Variants in ANKFN1 observed in about 807,000 individuals in gnomAD.
The protein encoded by ANKFN1 is ankyrin repeat and fibronectin type III domain containing 1.
A neutral mutation model predicts 108.7 loss-of-function variants in ANKFN1; 74 were observed. The ratio of observed to expected loss-of-function variants is 0.68; its 90% CI spans 0.56 to 0.83. The LOEUF (loss-of-function observed/expected upper bound fraction) is 0.83, where lower values mean the gene tolerates loss of function less well. Ranked by LOEUF, ANKFN1 falls within the 40% of genes least tolerant of loss-of-function variation. The probability of loss-of-function intolerance (pLI) is 0.00; values close to 1 mark genes in which losing one functional copy is unlikely to be tolerated. For synonymous variants in ANKFN1, 547 were observed against 516.2 expected (o/e 1.06, Z -0.81); for missense variants, 1,505 against 1,382.3 (o/e 1.09, Z -1.41).
intron 14 of ANKFN1, among the ~76,000 whole-genome samples, chr17:56,460,688 A>G (rs748017005): frequency 6.6e-6 from 1 of 150,984 alleles, no homozygotes; most frequent in Non-Finnish European, 1.5e-5. Flanking sequence ...AAAGTCTCAC[A>G]TTTCCTACCA....
chr17:56,299,640 A>G (rs2044616588), intron 3 of ANKFN1, among the ~76,000 whole-genome samples: 1 of 152,164 alleles, frequency 6.6e-6, no homozygotes, highest in Non-Finnish European at 1.5e-5. Context: ...CAATCTTAGG[A>G]AAACTATCAA....
intron 3 of ANKFN1, among the ~76,000 whole-genome samples, chr17:56,256,793 C>T (rs2043370146): frequency 6.6e-6 from 1 of 152,148 alleles, no homozygotes; most frequent in African/African-American, 2.4e-5. Flanking sequence ...TAAGGCCATA[C>T]ATCTAGAAAG....
In ANKFN1 at chr17:56,457,964, A is replaced by G. The variant is rs2049770387; in HGVS notation, c.1542A>G (p.Ala514=). The G allele has an allele frequency of 6.2e-7, 1 of 1,614,006 alleles. No individual in the cohort carries two copies. Among genetic ancestry groups the G allele is most frequent in the Non-Finnish European group, 8.5e-7 (1 of 1,179,902 alleles). ...AAACTCGGCAGAAGATGCTCGCAGC[A>G]ACAGCACAGCTACAGGTAAGGGACC... ...VLQTRQKMLA[A]TAQLQNLLGT... The change falls in exon 14 of 21, where the codon GCA becomes GCG. Residue 514 remains alanine, a synonymous_variant. Coordinates refer to ENST00000682825, the MANE Select transcript of ANKFN1 (RefSeq NM_001370326.1).
chr17:56,466,668 A>G, intron 15 of ANKFN1, 97 bp downstream of exon 15: 2 of 1,010,940 alleles, frequency 2.0e-6, no homozygotes, highest in South Asian at 1.6e-5. Context: ...TTACATATGC[A>G]GTGATGGAGT....
rs1187161654 is a variant in ANKFN1, at chr17:56,276,422, G to A, written c.53+48465G>A. ...TCTAGTTCTAGGTCCTTGAGGAATC[G>A]CCACACTGTCTTCCACAATGGTTGA... On this transcript the variant is annotated intron_variant, in intron 3 of 20. Transcript: ENST00000682825. Among the ~76,000 whole-genome samples, 9 of 152,092 alleles carry A rather than the reference G, an allele frequency of 5.9e-5. 1 individual carries two copies. Among genetic ancestry groups the A allele is most frequent in the Admixed American group, 3.9e-4 (6 of 15,270 alleles).
At chr17:56,317,234 GA>G (rs899476939) in intron 3 of ANKFN1, among the ~76,000 whole-genome samples, 1 of 152,124 alleles carries the variant, frequency 6.6e-6, no homozygotes, top group African/African-American at 2.4e-5. Flanking sequence ...GGAGAAAACT[GA>G]AGGTGTTTTT....
At chr17:56,363,545 T>C (rs548766565) in intron 6 of ANKFN1, among the ~76,000 whole-genome samples, 1 of 152,296 alleles carries the variant, frequency 6.6e-6, no homozygotes, top group African/African-American at 2.4e-5. Context: ...AGAATTACCA[T>C]ATGACCTAGT....
At chr17:56,214,130 A>G (rs970227062) in intron 2 of ANKFN1, among the ~76,000 whole-genome samples, 1 of 152,232 alleles carries the variant, frequency 6.6e-6, no homozygotes, top group Admixed American at 6.5e-5. Context: ...ATTAGCCTGT[A>G]TTTATTAAGA....
chr17:56,460,056 T>TAA (rs57118539), intron 14 of ANKFN1, among the ~76,000 whole-genome samples: 13,049 of 147,868 alleles, frequency 0.088, 1,149 homozygotes, highest in African/African-American at 0.22. Flanking sequence ...CATTGCCACA[T>TAA]AAAAAAAAAA....
intron 6 of ANKFN1, among the ~76,000 whole-genome samples, chr17:56,364,969 T>C (rs1236885161): frequency 6.6e-6 from 1 of 152,190 alleles, no homozygotes; most frequent in Admixed American, 6.5e-5. Flanking sequence ...GCGTCCTGAA[T>C]CTTAAGATGG....
intron 3 of ANKFN1, among the ~76,000 whole-genome samples, chr17:56,282,404 T>C (rs566295403): frequency 2.2e-4 from 33 of 152,100 alleles, no homozygotes; most frequent in Non-Finnish European, 4.3e-4. Flanking sequence ...CATAGGTATA[T>C]ACATTTATCA....
chr17:56,397,175 G>C (rs2047612684), intron 8 of ANKFN1, among the ~76,000 whole-genome samples: 1 of 152,096 alleles, frequency 6.6e-6, no homozygotes, highest in African/African-American at 2.4e-5. Flanking sequence ...AATAGATGAA[G>C]ATCCATCACC....
At chr17:56,437,000 CT>C (rs932685732) in intron 8 of ANKFN1, among the ~76,000 whole-genome samples, 5 of 152,190 alleles carry the variant, frequency 3.3e-5, no homozygotes, top group African/African-American at 9.7e-5. Flanking sequence ...GGGAAAAAGA[CT>C]GTTGGTTGCC....
intron 3 of ANKFN1, among the ~76,000 whole-genome samples, chr17:56,304,935 T>G (rs563133192): frequency 7.8e-4 from 119 of 152,342 alleles, no homozygotes; most frequent in African/African-American, 2.5e-3. Flanking sequence ...TTATATATTC[T>G]AGATACTTGT....
chr17:56,324,294 C>T (rs1567913575), intron 3 of ANKFN1, among the ~76,000 whole-genome samples: 1 of 152,172 alleles, frequency 6.6e-6, no homozygotes, highest in East Asian at 1.9e-4. Context: ...CACAATGAAT[C>T]TAACCTACTA....
chr17:56,102,347 C>G (rs1905664101), intron 4 of ANKFN1, among the ~76,000 whole-genome samples: 1 of 152,138 alleles, frequency 6.6e-6, no homozygotes, highest in East Asian at 1.9e-4. Flanking sequence ...CTAGTCTATA[C>G]TAGACTACAT....
At chr17:56,231,720 AT>A (rs1329648853) in intron 3 of ANKFN1, among the ~76,000 whole-genome samples, 1 of 152,216 alleles carries the variant, frequency 6.6e-6, no homozygotes, top group African/African-American at 2.4e-5. Context: ...TAAAAGGACA[AT>A]AAAGGTAATT....
chr17:56,062,282 T>A (rs1315638574), intron 4 of ANKFN1, among the ~76,000 whole-genome samples: 1 of 152,184 alleles, frequency 6.6e-6, no homozygotes, highest in Non-Finnish European at 1.5e-5. Flanking sequence ...GTCCCAAATA[T>A]CCTTGCTAAT....
rs567261257 is a variant in ANKFN1 at position 56,306,174 on chromosome 17, T to G, written c.54-20047T>G. ...TTTTCAACTGTATTTTAGAAAAATC[T>G]TTTCCATACCTAAAAAACGTCTTGC... On this transcript the variant is annotated intron_variant, in intron 3 of 20. Transcript: ENST00000682825. 3.9e-5 allele frequency among the ~76,000 whole-genome samples: 6 copies of G among 152,308 alleles called. No individual in the cohort carries two copies. In the South Asian group the frequency reaches 1.2e-3, roughly 32 times the overall value.
Sources: gnomAD v4.1 joint callset for allele counts (sites outside exome capture counted in the v4.1 genomes callset) on GRCh38, gnomAD v4.1.1 for gene constraint, MANE v1.5 for transcripts, NCBI Gene and HGNC (gene_info 2026-07-23, HGNC 2026-07-21) for gene names.